The following MIB1 variants were observed in gnomAD, a reference collection of about 807,000 sequenced individuals.
MIB1 encodes the protein E3 ubiquitin-protein ligase MIB1.
MIB1 carries 278 observed loss-of-function variants against 124.5 expected under a neutral mutation model. That is an observed-to-expected ratio of 2.23 (90% CI 2.02 to 2.47). MIB1 has a LOEUF of 2.47. Among genes scored for constraint, MIB1 ranks in the 30% most tolerant of loss-of-function variants. The pLI, the probability that MIB1 is intolerant of heterozygous loss-of-function variation, is 0.00. For synonymous variants in MIB1, 446 were observed against 429.4 expected, an observed-to-expected ratio of 1.04 and a Z score of -0.48; for missense variants, 957 against 1,254.4, an observed-to-expected ratio of 0.76 and a Z score of 3.58.
At chr18:21,730,476 G>A (rs1390209961) in intron 1 of MIB1, among the ~76,000 whole-genome samples, 1 of 152,178 alleles carries the variant, frequency 6.6e-6, no homozygotes, top group African/African-American at 2.4e-5. Flanking sequence ...TCTGAGGCGG[G>A]AGAGTCGCTT....
At chr18:21,742,988 C>T (rs2040871545) in intron 1 of MIB1, among the ~76,000 whole-genome samples, 1 of 152,148 alleles carries the variant, frequency 6.6e-6, no homozygotes, top group Non-Finnish European at 1.5e-5. Flanking sequence ...CGTTTTATTT[C>T]TCCGGCTGGT....
At position 21,843,145 on chromosome 18, in the gene MIB1, G is replaced by C; in HGVS notation, c.1977G>C (p.Leu659=). ...TTCTCGTTCAGGGTAATGCAAACCT[G>C]GATATCCAGAATGTGAACCAACAAA... ...ELLVHQGNAN[L]DIQNVNQQTA... is the part of the protein sequence containing the mutation. Residue 659 remains leucine, a synonymous_variant, in exon 14 of 21, where the codon CTG becomes CTC. Coordinates refer to ENST00000261537, the MANE Select transcript of MIB1 (RefSeq NM_020774.4). The C allele has an allele frequency of 4.4e-6, 7 of 1,601,720 alleles. No individual in the cohort carries two copies. The highest frequency in any genetic ancestry group is 6.0e-6 in the Non-Finnish European group (7 of 1,175,424).
At chr18:21,847,480 G>A (rs1037018560) in intron 16 of MIB1, among the ~76,000 whole-genome samples, 1 of 152,086 alleles carries the variant, frequency 6.6e-6, no homozygotes, top group Non-Finnish European at 1.5e-5. Flanking sequence ...ATTTTAAATT[G>A]TATTTATTTT....
chr18:21,836,273 GTTTTT>G (rs34936609), intron 12 of MIB1, among the ~76,000 whole-genome samples: 1 of 133,450 alleles, frequency 7.5e-6, no homozygotes, highest in Non-Finnish European at 1.6e-5. Context: ...AAAACAAAAG[GTTTTT>G]TTTTTTTTTT....
At chr18:21,725,928 T>C (rs963217865) in intron 1 of MIB1, among the ~76,000 whole-genome samples, 6 of 152,224 alleles carry the variant, frequency 3.9e-5, no homozygotes, top group African/African-American at 1.4e-4. Context: ...CATAAGTAGT[T>C]AAAAGAGAAA....
At chr18:21,782,591 T>A (rs975400559) in intron 6 of MIB1, among the ~76,000 whole-genome samples, 3 of 152,184 alleles carry the variant, frequency 2.0e-5, no homozygotes, top group African/African-American at 7.2e-5. Flanking sequence ...GGATAATGTT[T>A]AATTTCTTTC....
At position 21,853,012 on chromosome 18, in the gene MIB1, G is replaced by T. The variant is rs544976232; in HGVS notation, c.2587-128G>T. ...GGAAAGTAGAGGATGGGAGGAAAGT[G>T]TGTGTTAAATTTCTCTGTGCCTAGG... is the stretch of plus-strand genomic sequence containing the variant. On this transcript the variant is annotated intron_variant, in intron 17 of 20. Coordinates refer to ENST00000261537, the MANE Select transcript of MIB1 (RefSeq NM_020774.4). 14 of 634,358 alleles carry T rather than the reference G, an allele frequency of 2.2e-5. No individual in the cohort carries two copies. In the South Asian group the frequency reaches 2.6e-4, roughly 12 times the overall value. 39.3% of individuals were successfully genotyped at this position (634,358 alleles called of 1,614,324 possible). A position where few individuals can be genotyped will look rare whatever the true frequency, so the allele number is the denominator to read the frequency against.
In MIB1 at chr18:21,741,739, G is replaced by A. The variant is rs948712691; in HGVS notation, c.156G>A (p.Trp52Ter). 3.1e-6 allele frequency: 5 copies of A among 1,611,382 alleles called. No individual in the cohort carries two copies. Among genetic ancestry groups the A allele is most frequent in the Non-Finnish European group, 4.2e-6 (5 of 1,179,320 alleles). ...FESPEEVVVVWDNGTAANYRC... is the reference protein window; with the variant it reads ...FESPEEVVVV Reference sequence around the variant, plus strand: ...GCCCCGAGGAGGTGGTGGTAGTGTGGGACAACGGCACAGCTGCCAACTACC... The same window carrying A: ...GCCCCGAGGAGGTGGTGGTAGTGTGAGACAACGGCACAGCTGCCAACTACC... The change falls in exon 1 of 21, where the codon TGG becomes TGA. Residue 52 changes from tryptophan to a stop codon, truncating the protein, a stop_gained. Transcript: ENST00000261537. LOFTEE classifies it high-confidence loss of function. The surrounding 1 kb of genome is among the most constrained non-coding windows in gnomAD (Gnocchi z 5.4).
chr18:21,747,312 C>CT (rs1238636176), intron 1 of MIB1, among the ~76,000 whole-genome samples: 1 of 152,216 alleles, frequency 6.6e-6, no homozygotes, highest in African/African-American at 2.4e-5. Context: ...AAGAAATCAA[C>CT]TAGTAGACCC....
chr18:21,849,167 G>C (rs779930282), intron 16 of MIB1, 29 bp from the exon 17 acceptor site: 1 of 1,372,254 alleles, frequency 7.3e-7, no homozygotes, highest in Admixed American at 2.2e-5. Context: ...AATAAGATAG[G>C]CTTGATTTGA....
intron 13 of MIB1, among the ~76,000 whole-genome samples, chr18:21,840,656 TA>T (rs2042078268): frequency 0.044 from 90 of 2,028 alleles, no homozygotes; most frequent in African/African-American, 0.067. Flanking sequence ...TATATATATA[TA>T]TATATATATT....
rs192268857 is a variant in MIB1 at position 21,760,136 on chromosome 18, C to T, written c.230-5636C>T. Among the ~76,000 whole-genome samples, 910 of 151,436 alleles carry T rather than the reference C, an allele frequency of 6.0e-3. 6 individuals are homozygous for T. In the Middle Eastern group the frequency reaches 0.069, roughly 11 times the overall value. On this transcript the variant is annotated intron_variant, in intron 1 of 20. Coordinates refer to ENST00000261537, the MANE Select transcript of MIB1 (RefSeq NM_020774.4). ...TAACTCCTTAGGGTAATATGGTATTCTATAGAAAGGAAAAAAAAGAACTTA... is the reference window on the plus strand; with the variant it reads ...TAACTCCTTAGGGTAATATGGTATTTTATAGAAAGGAAAAAAAAGAACTTA...
At chr18:21,764,933 G>A (rs1050298480) in intron 1 of MIB1, among the ~76,000 whole-genome samples, 1 of 151,962 alleles carries the variant, frequency 6.6e-6, no homozygotes, top group East Asian at 1.9e-4. Context: ...TGTTTATAAA[G>A]TAGTGACACT....
intron 12 of MIB1, among the ~76,000 whole-genome samples, chr18:21,837,194 G>GAAACA (rs2042041325): frequency 6.6e-6 from 1 of 152,072 alleles, no homozygotes; most frequent in Non-Finnish European, 1.5e-5. Flanking sequence ...GTATACTTTG[G>GAAACA]GTTCATAAAC....
intron 6 of MIB1, among the ~76,000 whole-genome samples, chr18:21,790,714 C>T (rs1291398544): frequency 6.6e-6 from 1 of 152,112 alleles, no homozygotes; most frequent in East Asian, 1.9e-4. Context: ...GGTGATCCAG[C>T]GTGTTTGTGT....
At chr18:21,796,387 C>T (rs1413103605) in intron 7 of MIB1, among the ~76,000 whole-genome samples, 1 of 150,572 alleles carries the variant, frequency 6.6e-6, no homozygotes, top group Non-Finnish European at 1.5e-5. Context: ...ATACTGGGGC[C>T]TGTCAGGGTG....
chr18:21,749,020 G>A (rs2040944297), intron 1 of MIB1, among the ~76,000 whole-genome samples: 1 of 152,030 alleles, frequency 6.6e-6, no homozygotes, highest in Non-Finnish European at 1.5e-5. Context: ...TGGATTACAG[G>A]CATGAGCCAC....
In MIB1 at chr18:21,797,699, TG is replaced by T. The variant is rs1200094653; in HGVS notation, c.1093-384del. Among the ~76,000 whole-genome samples the T allele has an allele frequency of 3.9e-5, 6 of 152,218 alleles. No homozygotes were observed. The East Asian group carries it at 9.6e-4, about 24-fold the overall frequency. ...CAAATTAGTTTATTTTTTTATTTTT[TG>T]TTTTTTTTAGAAATCCAATTTTCTT... On this transcript the variant is annotated intron_variant, in intron 7 of 20. Transcript: ENST00000261537.
intron 2 of MIB1, among the ~76,000 whole-genome samples, chr18:21,766,851 C>T (rs988757390): frequency 1.3e-5 from 2 of 151,976 alleles, no homozygotes; most frequent in South Asian, 2.1e-4. Flanking sequence ...CCACCCCGGA[C>T]AGCATAGTAA....
Sources: gnomAD v4.1 joint callset for allele counts (sites outside exome capture counted in the v4.1 genomes callset) on GRCh38, gnomAD v4.1.1 for gene constraint, Gnocchi (gnomAD v3.1) non-coding constraint, MANE v1.5 for transcripts, NCBI Gene and HGNC (gene_info 2026-07-23, HGNC 2026-07-21) for gene names.